SOX6: variants seen among roughly 807,000 people sequenced by gnomAD.
SOX6 encodes the protein transcription factor SOX-6.
SOX6 carries 11 observed loss-of-function variants against 97.8 expected under a neutral mutation model. The ratio of observed to expected loss-of-function variants is 0.11; its 90% CI spans 0.07 to 0.19. SOX6 has a LOEUF of 0.19. Among genes scored for constraint, SOX6 ranks in the 10% least tolerant of loss-of-function variants. The pLI, the probability that SOX6 is intolerant of heterozygous loss-of-function variation, is 1.00. For missense variants in SOX6, 810 were observed against 1,039.5 expected, an observed-to-expected ratio of 0.78 and a Z score of 3.04; for synonymous variants, 360 against 371.4, an observed-to-expected ratio of 0.97 and a Z score of 0.35.
chr11:16,591,792 G>T (rs1474163408), intron 4 of SOX6, among the ~76,000 whole-genome samples: 1 of 152,094 alleles, frequency 6.6e-6, no homozygotes, highest in Non-Finnish European at 1.5e-5. Context: ...AAAATTATTT[G>T]CATACATTTG....
At chr11:16,657,666 T>A (rs1847733363) in intron 3 of SOX6, among the ~76,000 whole-genome samples, 1 of 152,172 alleles carries the variant, frequency 6.6e-6, no homozygotes, top group African/African-American at 2.4e-5. Flanking sequence ...ACTTTTTTGT[T>A]TTTTAGCCAT....
intron 12 of SOX6, among the ~76,000 whole-genome samples, chr11:16,025,906 GAGCATGAGAA>G (rs1339619357): frequency 6.6e-6 from 1 of 152,072 alleles, no homozygotes; most frequent in African/African-American, 2.4e-5. Context: ...GAAAAATAGG[GAGCATGAGAA>G]AGCTTTAGTG....
intron 15 of SOX6, among the ~76,000 whole-genome samples, chr11:15,983,364 T>TA (rs574048012): frequency 1.3e-5 from 2 of 151,958 alleles, no homozygotes; most frequent in South Asian, 2.1e-4. Context: ...AGCTAAGTAA[T>TA]AAAAAAAACT....
chr11:15,987,882 A>G (rs536978794), intron 14 of SOX6, among the ~76,000 whole-genome samples: 4 of 152,264 alleles, frequency 2.6e-5, no homozygotes, highest in Admixed American at 2.0e-4. Flanking sequence ...CAAAAAAAAA[A>G]GAAAAACATA....
intron 13 of SOX6, among the ~76,000 whole-genome samples, chr11:15,998,083 AAAATAAAATAAAAT>A (rs1181515764): frequency 2.0e-5 from 3 of 151,640 alleles, no homozygotes; most frequent in South Asian, 2.1e-4. Flanking sequence ...CCATCTCAAA[AAAATAAAATAAAAT>A]AAATAAAATA....
intron 3 of SOX6, among the ~76,000 whole-genome samples, chr11:16,635,209 C>A (rs537075503): frequency 9.2e-5 from 14 of 152,158 alleles, no homozygotes; most frequent in Non-Finnish European, 1.9e-4. Flanking sequence ...GAGGTTAGAA[C>A]AATTTCGAGG....
intron 12 of SOX6, among the ~76,000 whole-genome samples, chr11:16,040,327 TG>T (rs1477442587): frequency 3.3e-5 from 5 of 152,028 alleles, no homozygotes; most frequent in African/African-American, 1.2e-4. Context: ...TTTATGAGTT[TG>T]GCCTTTTAAG....
intron 1 of SOX6, among the ~76,000 whole-genome samples, chr11:16,393,545 A>G (rs10732463): frequency 1 from 151,469 of 152,174 alleles, 75,389 homozygotes; most frequent in Middle Eastern, 1. Flanking sequence ...CTACCCAAGA[A>G]GCTACTATCT....
At chr11:16,212,456 T>G (rs2134144092) in intron 4 of SOX6, among the ~76,000 whole-genome samples, 1 of 152,238 alleles carries the variant, frequency 6.6e-6, no homozygotes, top group African/African-American at 2.4e-5. Context: ...TGTCTTTCAT[T>G]TAATATTATG....
In SOX6 at chr11:15,971,715, T is replaced by C. The variant is rs1853318825; in HGVS notation, c.*1094A>G. 6.6e-6 allele frequency: 1 copy of C among 152,444 alleles called. No individual in the cohort carries two copies. Among genetic ancestry groups the C allele is most frequent in the Admixed American group, 6.5e-5 (1 of 15,274 alleles). The allele number at this position is 152,444 out of a possible 1,614,324, so 9.4% of individuals were successfully genotyped here. Reference sequence around the variant, plus strand: ...AATGCTTCCAGGCGTTCTGGGGACATAAAATCACTATGTACACAGGAGAAG... The same window carrying C: ...AATGCTTCCAGGCGTTCTGGGGACACAAAATCACTATGTACACAGGAGAAG... On this transcript the variant is annotated 3_prime_UTR_variant, in exon 16 of 16. Coordinates refer to ENST00000683767, the MANE Select transcript of SOX6 (RefSeq NM_001367873.1).
intron 3 of SOX6, among the ~76,000 whole-genome samples, chr11:16,639,155 C>T (rs1471388208): frequency 1.3e-5 from 2 of 152,164 alleles, no homozygotes; most frequent in Admixed American, 6.5e-5. Flanking sequence ...TTCCCAGCAC[C>T]ATTTGTTAAA....
At chr11:16,176,567 C>G (rs1323035769) in intron 6 of SOX6, among the ~76,000 whole-genome samples, 1 of 151,904 alleles carries the variant, frequency 6.6e-6, no homozygotes, top group Admixed American at 6.6e-5. Flanking sequence ...CATATACACA[C>G]CTCCCATTGC....
chr11:16,663,608 G>A (rs1417810330), intron 3 of SOX6, among the ~76,000 whole-genome samples: 3 of 152,190 alleles, frequency 2.0e-5, no homozygotes, highest in Non-Finnish European at 4.4e-5. Context: ...GAGCCACCAT[G>A]CCCAGCCTAT....
chr11:16,319,842 G>A (rs902333159), intron 2 of SOX6, among the ~76,000 whole-genome samples: 4 of 136,244 alleles, frequency 2.9e-5, no homozygotes, highest in South Asian at 2.3e-4. Context: ...ATTTATAAAC[G>A]TCTTTTTTTT....
At chr11:16,404,163 G>A (rs546319331) in intron 1 of SOX6, among the ~76,000 whole-genome samples, 1 of 151,978 alleles carries the variant, frequency 6.6e-6, no homozygotes, top group African/African-American at 2.4e-5. Context: ...TATTTGGGGT[G>A]AGGGTCTGTT....
rs373734013 is a variant in SOX6 at position 16,636,256 on chromosome 11, C to A, written n.430-23996G>T. On this transcript the variant is annotated intron_variant and non_coding_transcript_variant, in intron 3 of 5. Coordinates refer to the SOX6 transcript ENST00000524520. ...CAAGGTCATGGAAGTCCACCTCTTA[C>A]ATCAGCAATACCTGGATGTGAGGCA... Among the ~76,000 whole-genome samples, 5 of 152,348 alleles carry A rather than the reference C, an allele frequency of 3.3e-5. No homozygotes were observed. In the East Asian group the frequency reaches 7.7e-4, roughly 24 times the overall value.
chr11:16,410,759 C>CAAAAAAAA (rs71044100), intron 1 of SOX6, among the ~76,000 whole-genome samples: 1 of 64,384 alleles, frequency 1.6e-5, no homozygotes, highest in African/African-American at 5.9e-5. Flanking sequence ...AACCGGTCTC[C>CAAAAAAAA]AAAAAAAAAA....
chr11:16,471,299 C>CT (rs541351495), intron 1 of SOX6, among the ~76,000 whole-genome samples: 10 of 152,118 alleles, frequency 6.6e-5, no homozygotes, highest in Non-Finnish European at 1.2e-4. Context: ...GATGCAGCTT[C>CT]TGAAGAGACA....
intron 12 of SOX6, among the ~76,000 whole-genome samples, chr11:16,019,458 C>T (rs1233431224): frequency 6.6e-6 from 1 of 151,946 alleles, no homozygotes; most frequent in Middle Eastern, 3.2e-3. Flanking sequence ...ATAGCTAATA[C>T]AGGTAAAAAA....
Sources: gnomAD v4.1 joint callset for allele counts (sites outside exome capture counted in the v4.1 genomes callset) on GRCh38, gnomAD v4.1.1 for gene constraint, MANE v1.5 for transcripts, NCBI Gene and HGNC (gene_info 2026-07-23, HGNC 2026-07-21) for gene names.